Variants in IL1RAPL1 observed in about 807,000 individuals in gnomAD.
IL1RAPL1 encodes interleukin-1 receptor accessory protein-like 1.
IL1RAPL1 carries 3 observed loss-of-function variants against 48.4 expected under a neutral mutation model. The ratio of observed to expected loss-of-function variants is 0.06; its 90% CI spans 0.03 to 0.16. The LOEUF (loss-of-function observed/expected upper bound fraction) is 0.16, where lower values mean the gene tolerates loss of function less well. IL1RAPL1 is among the 10% of genes least tolerant of loss of function. IL1RAPL1 has a pLI of 1.00. For missense variants in IL1RAPL1, 349 were observed against 530.6 expected, an observed-to-expected ratio of 0.66 and a Z score of 3.36; for synonymous variants, 185 against 187.7, an observed-to-expected ratio of 0.99 and a Z score of 0.12.
intron 5 of IL1RAPL1, among the ~76,000 whole-genome samples, chrX:29,526,087 A>T (rs1569330991): frequency 8.9e-6 from 1 of 112,255 alleles, no homozygotes; most frequent in Admixed American, 9.4e-5. Context: ...AGAAAAGAAG[A>T]TAAAATCAAG....
intron 1 of IL1RAPL1, among the ~76,000 whole-genome samples, chrX:28,758,639 G>A (rs1173760243): frequency 9.0e-6 from 1 of 110,964 alleles, no homozygotes; most frequent in Non-Finnish European, 1.9e-5. Flanking sequence ...AGAGACAGAG[G>A]TTCTCAAGAA....
At chrX:29,714,479 C>A (rs758216263) in intron 6 of IL1RAPL1, among the ~76,000 whole-genome samples, 3 of 111,917 alleles carry the variant, frequency 2.7e-5, no homozygotes, top group Non-Finnish European at 3.8e-5. Context: ...AATTCCGTAA[C>A]AAAGATGAAA....
At chrX:29,893,110 G>A (rs755607506) in intron 6 of IL1RAPL1, among the ~76,000 whole-genome samples, 1 of 111,453 alleles carries the variant, frequency 9.0e-6, no homozygotes, top group Non-Finnish European at 1.9e-5. Flanking sequence ...CACATCCACC[G>A]TTTACTGAGC....
chrX:29,041,039 C>T (rs184616294), intron 2 of IL1RAPL1, among the ~76,000 whole-genome samples: 175 of 111,759 alleles, frequency 1.6e-3, no homozygotes, highest in African/African-American at 5.5e-3. Flanking sequence ...GAATTCTAAC[C>T]AAGAGTGTAT....
intron 2 of IL1RAPL1, among the ~76,000 whole-genome samples, chrX:28,925,834 T>C (rs1196745843): frequency 9.0e-6 from 1 of 111,170 alleles, no homozygotes; most frequent in Non-Finnish European, 1.9e-5. Context: ...GGCAGGAGAA[T>C]TGCTTGAACC....
intron 3 of IL1RAPL1, among the ~76,000 whole-genome samples, chrX:29,335,813 A>G (rs1932984995): frequency 9.0e-6 from 1 of 111,451 alleles, no homozygotes; most frequent in African/African-American, 3.3e-5. Flanking sequence ...CTATATTTGA[A>G]AGCACATTTA....
At chrX:29,710,684 T>C (rs1476874904) in intron 6 of IL1RAPL1, among the ~76,000 whole-genome samples, 2 of 106,796 alleles carry the variant, frequency 1.9e-5, no homozygotes, top group Non-Finnish European at 3.8e-5. Context: ...TCTTCCCTTA[T>C]TTTTGTGACA....
intron 5 of IL1RAPL1, among the ~76,000 whole-genome samples, chrX:29,551,438 T>C (rs1388111741): frequency 1.8e-5 from 2 of 112,269 alleles, no homozygotes; most frequent in African/African-American, 3.2e-5. Context: ...TATTACATAA[T>C]GGAAGCTCAA....
At chrX:29,045,708 G>T (rs1183369682) in intron 2 of IL1RAPL1, among the ~76,000 whole-genome samples, 1 of 111,474 alleles carries the variant, frequency 9.0e-6, no homozygotes, top group African/African-American at 3.3e-5. Context: ...CATATAGGCA[G>T]GCATGAGCCA....
rs1240596680 is a variant in IL1RAPL1 at position 28,789,380 on chromosome X, G to A, written c.37G>A (p.Ala13Thr). The A allele has an allele frequency of 7.5e-6, 9 of 1,207,947 alleles. No individual in the cohort carries two copies. Among genetic ancestry groups the A allele is most frequent in the Non-Finnish European group, 9.0e-6 (8 of 893,541 alleles). The change falls in exon 2 of 11, where the codon GCT becomes ACT. Residue 13 changes from alanine to threonine, a missense_variant. Coordinates refer to ENST00000378993, the MANE Select transcript of IL1RAPL1 (RefSeq NM_014271.4). Reference protein sequence around the residue: ...APIPHLILLYATFTQSLKVVT... With the variant: ...APIPHLILLYTTFTQSLKVVT... ...GATTCCACACTTGATTCTCTTATAC[G>A]CTACTTTTACTCAGAGTTTGAAGGT...
At chrX:29,049,669 A>G (rs1241813270) in intron 2 of IL1RAPL1, among the ~76,000 whole-genome samples, 1 of 112,451 alleles carries the variant, frequency 8.9e-6, no homozygotes, top group Admixed American at 9.4e-5. Context: ...CTGATAGCTC[A>G]TATTTATCTA....
intron 2 of IL1RAPL1, among the ~76,000 whole-genome samples, chrX:28,896,323 G>A (rs185134193): frequency 2.1e-4 from 23 of 112,000 alleles, no homozygotes; most frequent in East Asian, 8.5e-4. Context: ...GTAATAAAAT[G>A]TATATTGAGA....
intron 1 of IL1RAPL1, among the ~76,000 whole-genome samples, chrX:28,686,868 A>G (rs757071042): frequency 8.9e-6 from 1 of 112,013 alleles, no homozygotes; most frequent in Non-Finnish European, 1.9e-5. Context: ...GGAGCAATTG[A>G]TGATATACAT....
intron 6 of IL1RAPL1, among the ~76,000 whole-genome samples, chrX:29,727,276 G>A (rs1156862191): frequency 1.8e-5 from 2 of 111,941 alleles, no homozygotes; most frequent in Non-Finnish European, 3.8e-5. Context: ...TCCATCGGGG[G>A]AAATGTTACT....
intron 3 of IL1RAPL1, among the ~76,000 whole-genome samples, chrX:29,349,144 A>G (rs1392917262): frequency 1.8e-5 from 2 of 112,555 alleles, no homozygotes; most frequent in Middle Eastern, 4.6e-3. Flanking sequence ...ACGCAGAAAT[A>G]TGACTGGACA....
chrX:29,367,875 A>G (rs769079059), intron 3 of IL1RAPL1, among the ~76,000 whole-genome samples: 1 of 110,092 alleles, frequency 9.1e-6, no homozygotes, highest in Admixed American at 9.8e-5. Flanking sequence ...CACCATGCCC[A>G]GCACCACTTA....
intron 5 of IL1RAPL1, among the ~76,000 whole-genome samples, chrX:29,452,991 C>T (rs1156563214): frequency 1.1e-5 from 1 of 91,211 alleles, no homozygotes; most frequent in Non-Finnish European, 2.1e-5. Flanking sequence ...CTGGCGCAAT[C>T]TCGGCTCACT....
At chrX:29,551,283 T>C (rs1921809625) in intron 5 of IL1RAPL1, among the ~76,000 whole-genome samples, 1 of 111,999 alleles carries the variant, frequency 8.9e-6, no homozygotes, top group South Asian at 3.7e-4. Flanking sequence ...GTGGGAGTAG[T>C]GGACAGAGTT....
At chrX:29,118,975 AATC>A (rs1487666138) in intron 2 of IL1RAPL1, among the ~76,000 whole-genome samples, 1 of 111,375 alleles carries the variant, frequency 9.0e-6, no homozygotes, top group Non-Finnish European at 1.9e-5. Context: ...ATAATCCAAG[AATC>A]ATGGAGCATT....
Sources: allele counts gnomAD v4.1 joint callset (sites outside exome capture counted in the v4.1 genomes callset), GRCh38; gene constraint gnomAD v4.1.1; transcripts MANE v1.5; gene names NCBI Gene and HGNC (gene_info 2026-07-23, HGNC 2026-07-21).